The following RASGRF2 variants were observed in gnomAD, a reference collection of about 807,000 sequenced individuals.
The protein encoded by RASGRF2 is Ras protein specific guanine nucleotide releasing factor 2.
RASGRF2 carries 76 observed loss-of-function variants against 151.0 expected under a neutral mutation model. The observed-to-expected ratio is 0.50, with a 90% confidence interval of 0.42 to 0.61. The LOEUF (loss-of-function observed/expected upper bound fraction) is 0.61, where lower values mean the gene tolerates loss of function less well. Ranked by LOEUF, RASGRF2 falls within the 20% of genes least tolerant of loss-of-function variation. The probability of loss-of-function intolerance (pLI) is 0.00; values close to 1 mark genes in which losing one functional copy is unlikely to be tolerated. For missense variants in RASGRF2, 1,148 were observed against 1,564.6 expected (o/e 0.73, Z 4.49); for synonymous variants, 504 against 566.5 (o/e 0.89, Z 1.57).
chr5:81,031,551 T>G (rs1187527670), intron 1 of RASGRF2, among the ~76,000 whole-genome samples: 1 of 152,160 alleles, frequency 6.6e-6, no homozygotes, highest in Non-Finnish European at 1.5e-5. Context: ...GAATGACTAC[T>G]GGGTACATAA....
rs1374906270 is a variant in RASGRF2, at chr5:81,228,904, A to G, written c.*3134A>G. 6.6e-6 allele frequency: 1 copy of G among 152,246 alleles called. No homozygotes were observed. The highest frequency in any genetic ancestry group is 1.5e-5 in the Non-Finnish European group (1 of 68,050). 9.4% of individuals were successfully genotyped at this position (152,246 alleles called of 1,614,324 possible). A position where few individuals can be genotyped will look rare whatever the true frequency, so the allele number is the denominator to read the frequency against. ...TGTTTGTTAAATTTCAGTACGTCTT[A>G]AAGTACTACTTATAAACAAATGAAA... On this transcript the variant is annotated 3_prime_UTR_variant, in exon 27 of 27. Coordinates refer to ENST00000265080, the MANE Select transcript of RASGRF2 (RefSeq NM_006909.3).
chr5:81,112,510 G>T (rs1753024276), intron 13 of RASGRF2, 100 bp from the exon 14 acceptor site: 2 of 1,480,012 alleles, frequency 1.4e-6, no homozygotes, highest in Non-Finnish European at 1.9e-6. Context: ...GCAGTGAGAA[G>T]CCCACTCCTG....
At chr5:81,042,552 C>G (rs923537425) in intron 1 of RASGRF2, among the ~76,000 whole-genome samples, 1 of 152,180 alleles carries the variant, frequency 6.6e-6, no homozygotes, top group East Asian at 1.9e-4. Flanking sequence ...AAAGGAAAAC[C>G]TTTTGGAAAA....
intron 17 of RASGRF2, among the ~76,000 whole-genome samples, chr5:81,129,508 T>A (rs1753558873): frequency 6.6e-6 from 1 of 152,220 alleles, no homozygotes; most frequent in South Asian, 2.1e-4. Flanking sequence ...TTTAGCATTT[T>A]GCCATATGTG....
intron 1 of RASGRF2, among the ~76,000 whole-genome samples, chr5:81,018,506 A>G (rs918200811): frequency 6.6e-6 from 1 of 152,168 alleles, no homozygotes; most frequent in Non-Finnish European, 1.5e-5. Flanking sequence ...TGAAGCTCCC[A>G]TGAGTGTTAA....
At chr5:81,042,852 T>A (rs1291865246) in intron 1 of RASGRF2, 25 bp from the exon 2 acceptor site, 2 of 1,531,390 alleles carry the variant, frequency 1.3e-6, no homozygotes, top group Non-Finnish European at 8.9e-7. Flanking sequence ...AGAACTAAGT[T>A]TTTTGTGTTT....
In RASGRF2 at chr5:81,127,421, G is replaced by A. The variant is rs573641177; in HGVS notation, c.2686+258G>A. ...GCCTGTAGTCCCAGTTACTCAAGAC[G>A]CTGAGGCAGAAAAATCACTTGAGGC... is the stretch of plus-strand genomic sequence containing the variant. On this transcript the variant is annotated intron_variant, in intron 17 of 26. Transcript: ENST00000265080. Among the ~76,000 whole-genome samples the A allele has an allele frequency of 2.6e-5, 4 of 152,174 alleles. No individual in the cohort carries two copies. In the South Asian group the frequency reaches 6.2e-4, roughly 24 times the overall value.
At chr5:81,102,121 A>G (rs1166831950) in intron 12 of RASGRF2, among the ~76,000 whole-genome samples, 1 of 152,170 alleles carries the variant, frequency 6.6e-6, no homozygotes, top group East Asian at 1.9e-4. Context: ...GAAACAAGGG[A>G]ATTTAAAGCC....
intron 25 of RASGRF2, among the ~76,000 whole-genome samples, chr5:81,217,891 T>C (rs10064220): frequency 0.55 from 82,434 of 151,230 alleles, 23,045 homozygotes; most frequent in Admixed American, 0.65. Flanking sequence ...TACAGGCACC[T>C]GCCACCACGC....
chr5:81,038,413 T>A (rs1474307203), intron 1 of RASGRF2, among the ~76,000 whole-genome samples: 1 of 152,110 alleles, frequency 6.6e-6, no homozygotes, highest in Non-Finnish European at 1.5e-5. Context: ...AACTGTTATT[T>A]TTTTTTAGTT....
rs367817986 is a variant in RASGRF2, at chr5:81,184,286, A to G, written c.2793+4005A>G. 1.7e-3 allele frequency among the ~76,000 whole-genome samples: 259 copies of G among 152,254 alleles called. 1 individual carries two copies. Among genetic ancestry groups the G allele is most frequent in the Non-Finnish European group, 1.5e-3 (102 of 68,008 alleles). ...GGAGGCCTTACATATCGTTTACACA[A>G]TTCCCAGGTCCCTGCAGGTTTCAGA... On this transcript the variant is annotated intron_variant, in intron 18 of 26. Transcript: ENST00000265080.
chr5:81,030,477 G>A (rs1212972678), intron 1 of RASGRF2, among the ~76,000 whole-genome samples: 1 of 152,204 alleles, frequency 6.6e-6, no homozygotes, highest in Admixed American at 6.5e-5. Context: ...CAAGCCAGAG[G>A]ACAGTGGGAG....
At chr5:80,975,963 G>C (rs916173163) in intron 1 of RASGRF2, among the ~76,000 whole-genome samples, 2 of 151,196 alleles carry the variant, frequency 1.3e-5, no homozygotes, top group African/African-American at 4.9e-5. Context: ...TCCTGCCTCA[G>C]CTTTCTGAGT....
chr5:81,123,057 C>T (rs1285495583), intron 15 of RASGRF2, among the ~76,000 whole-genome samples: 1 of 152,178 alleles, frequency 6.6e-6, no homozygotes, highest in Non-Finnish European at 1.5e-5. Context: ...CATGTGGCTG[C>T]TGAGCACTCA....
chr5:80,977,449 T>TTTTA lies in RASGRF2; in HGVS notation c.288+16450_288+16453dup, dbSNP rs56140758. ...TGTAAACTATAAAATGCTACCAAAA[T>TTTTA]TTTATTTATTTATTTATTTATTTAT... On this transcript the variant is annotated intron_variant, in intron 1 of 26. Coordinates refer to ENST00000265080, the MANE Select transcript of RASGRF2 (RefSeq NM_006909.3). 3.6e-3 allele frequency among the ~76,000 whole-genome samples: 538 copies of TTTTA among 150,296 alleles called. 2 individuals are homozygous for TTTTA. The highest frequency in any genetic ancestry group is 9.0e-3 in the South Asian group (43 of 4,764).
At chr5:81,115,653 A>C (rs1274378101) in intron 15 of RASGRF2, among the ~76,000 whole-genome samples, 2 of 152,184 alleles carry the variant, frequency 1.3e-5, no homozygotes, top group African/African-American at 4.8e-5. Flanking sequence ...TTTAGGAACA[A>C]ACATTTCAGT....
intron 9 of RASGRF2, among the ~76,000 whole-genome samples, chr5:81,089,220 T>A (rs1692920580): frequency 1.3e-5 from 2 of 152,194 alleles, no homozygotes; most frequent in South Asian, 2.1e-4. Context: ...ATTATTATTT[T>A]AAAAAAATTT....
chr5:80,990,545 G>C (rs975365266), intron 1 of RASGRF2, among the ~76,000 whole-genome samples: 11 of 152,148 alleles, frequency 7.2e-5, no homozygotes, highest in African/African-American at 2.7e-4. Context: ...TCTCTAGCTG[G>C]CTTCTGTTAG....
In RASGRF2 at chr5:81,070,660, T is replaced by C. The variant is rs1751745851; in HGVS notation, c.633+79T>C. ...CTATGGTGGTGTCTTTGCCACCCTG[T>C]GCGTGAGCCGGGAGCAGCCTTGGTG... On this transcript the variant is annotated intron_variant, in intron 4 of 26. Coordinates refer to ENST00000265080, the MANE Select transcript of RASGRF2 (RefSeq NM_006909.3). 7 of 1,270,074 alleles carry C rather than the reference T, an allele frequency of 5.5e-6. No homozygotes were observed. In the East Asian group the frequency reaches 1.7e-4, roughly 30 times the overall value. The allele number at this position is 1,270,074 out of a possible 1,614,324, so 78.7% of individuals were successfully genotyped here.
Sources: allele counts gnomAD v4.1 joint callset (sites outside exome capture counted in the v4.1 genomes callset), GRCh38; gene constraint gnomAD v4.1.1; transcripts MANE v1.5; gene names NCBI Gene and HGNC (gene_info 2026-07-23, HGNC 2026-07-21).